DOCK3: variants seen among roughly 807,000 people sequenced by gnomAD.
DOCK3 encodes the protein dedicator of cytokinesis protein 3.
A neutral mutation model predicts 265.6 loss-of-function variants in DOCK3; 60 were observed. That is an observed-to-expected ratio of 0.23 (90% CI 0.18 to 0.28). DOCK3 has a LOEUF of 0.28. DOCK3 is among the 10% of genes least tolerant of loss of function. DOCK3 has a pLI of 1.00. For missense variants in DOCK3, 1,981 were observed against 2,594.3 expected (o/e 0.76, Z 5.14); for synonymous variants, 881 against 938.0 (o/e 0.94, Z 1.11).
chr3:50,989,105 T>G (rs1250411521), intron 5 of DOCK3, among the ~76,000 whole-genome samples: 1 of 152,152 alleles, frequency 6.6e-6, no homozygotes, highest in Non-Finnish European at 1.5e-5. Context: ...GTGGGTCTCA[T>G]GCACCGCCCC....
At chr3:51,137,121 G>A (rs867442785) in intron 9 of DOCK3, among the ~76,000 whole-genome samples, 1 of 151,564 alleles carries the variant, frequency 6.6e-6, no homozygotes, top group Non-Finnish European at 1.5e-5. Flanking sequence ...CCCCTTTTTT[G>A]TGTGTATTTC....
At chr3:50,837,130 C>G (rs1462125591) in intron 2 of DOCK3, among the ~76,000 whole-genome samples, 1 of 152,198 alleles carries the variant, frequency 6.6e-6, no homozygotes, top group Admixed American at 6.5e-5. Flanking sequence ...AAGTTCCAGA[C>G]TTTTCCACAT....
At chr3:50,730,993 G>A (rs991095018) in intron 1 of DOCK3, among the ~76,000 whole-genome samples, 16 of 151,938 alleles carry the variant, frequency 1.1e-4, no homozygotes, top group Admixed American at 6.6e-4. Context: ...TTAGCTGGGC[G>A]TGGTGGTGGG....
In DOCK3 at chr3:51,381,011, G is replaced by A. The variant is rs1553618358; in HGVS notation, c.5584-39G>A. On this transcript the variant is annotated intron_variant, in intron 52 of 52. Coordinates refer to ENST00000266037, the MANE Select transcript of DOCK3 (RefSeq NM_004947.5). The surrounding 1 kb of genome is among the most constrained non-coding windows in gnomAD (Gnocchi z 5.6). Reference sequence around the variant, plus strand: ...TATGGCGGGCAAGTCAGCCTGTCTGGAGAGAGGGATTCTAACATGCCCACC... The same window carrying A: ...TATGGCGGGCAAGTCAGCCTGTCTGAAGAGAGGGATTCTAACATGCCCACC... 5 of 1,546,726 alleles carry A rather than the reference G, an allele frequency of 3.2e-6. No homozygotes were observed. The highest frequency in any genetic ancestry group is 1.8e-5 in the Admixed American group (1 of 56,648).
chr3:50,989,710 A>G (rs1209207329), intron 5 of DOCK3, among the ~76,000 whole-genome samples: 1 of 152,186 alleles, frequency 6.6e-6, no homozygotes, highest in African/African-American at 2.4e-5. Context: ...AGAAAGAACC[A>G]ATGTAAGAAC....
chr3:50,963,606 C>T (rs981439626), intron 5 of DOCK3, among the ~76,000 whole-genome samples: 18 of 152,248 alleles, frequency 1.2e-4, no homozygotes, highest in African/African-American at 4.3e-4. Context: ...ATATACCTTC[C>T]CACCTGAACA....
chr3:50,837,854 G>C (rs1232636864), intron 2 of DOCK3, among the ~76,000 whole-genome samples: 2 of 152,194 alleles, frequency 1.3e-5, no homozygotes, highest in African/African-American at 4.8e-5. Context: ...AGCCTGCTTA[G>C]TAAGTTGAAG....
chr3:51,015,427 C>G (rs1338643143), intron 5 of DOCK3, among the ~76,000 whole-genome samples: 1 of 151,798 alleles, frequency 6.6e-6, no homozygotes, highest in African/African-American at 2.4e-5. Context: ...TGATTTAGCA[C>G]ATTGATTGAT....
intron 2 of DOCK3, among the ~76,000 whole-genome samples, chr3:50,799,472 A>G (rs2042961491): frequency 2.0e-5 from 3 of 151,844 alleles, no homozygotes; most frequent in African/African-American, 4.8e-5. Flanking sequence ...TTTTGTAGCA[A>G]TTGTAAATAG....
rs924811861 is a variant in DOCK3, at chr3:51,236,083, G to A, written c.1918-262G>A. 7.9e-5 allele frequency among the ~76,000 whole-genome samples: 12 copies of A among 152,290 alleles called. 3 individuals are homozygous for A. ...TTTTTAGGGCATTGCCCTTTCCTTA[G>A]AAATGTATCACTCACCCAACAGGAA... is the stretch of plus-strand genomic sequence containing the variant. On this transcript the variant is annotated intron_variant, in intron 19 of 52. Transcript: ENST00000266037.
intron 1 of DOCK3, among the ~76,000 whole-genome samples, chr3:50,757,386 G>A (rs1275608422): frequency 6.6e-6 from 1 of 151,618 alleles, no homozygotes; most frequent in Non-Finnish European, 1.5e-5. Context: ...TGGCCCGGCT[G>A]GTCTTGAACT....
intron 3 of DOCK3, among the ~76,000 whole-genome samples, chr3:50,871,527 C>G (rs1295867954): frequency 6.6e-6 from 1 of 151,840 alleles, no homozygotes; most frequent in Non-Finnish European, 1.5e-5. Flanking sequence ...TCTTGGTGTT[C>G]TGTAACCTTC....
Position 51,361,785 on chromosome 3 carries a change from C to T in DOCK3, c.5007-74C>T. ...GCTGAAACCAGGGATGACTATTCCA[C>T]ACATTCCGCTCTACTGTCCCCCTGC... On this transcript the variant is annotated intron_variant, in intron 47 of 52. Transcript: ENST00000266037. The surrounding 1 kb of genome is among the most constrained non-coding windows in gnomAD (Gnocchi z 4.2). 1.9e-6 allele frequency: 3 copies of T among 1,541,294 alleles called. No homozygotes were observed. The highest frequency in any genetic ancestry group is 2.3e-5 in the East Asian group (1 of 43,102).
chr3:51,350,154 AG>A, intron 39 of DOCK3, 133 bp from the exon 40 acceptor site: 1 of 720,958 alleles, frequency 1.4e-6, no homozygotes. Context: ...TCATGTCTAG[AG>A]GCTCACTTAC....
intron 1 of DOCK3, among the ~76,000 whole-genome samples, chr3:50,683,644 G>A (rs1392916148): frequency 6.6e-6 from 1 of 152,146 alleles, no homozygotes; most frequent in Non-Finnish European, 1.5e-5. Flanking sequence ...TTAACAAGGG[G>A]GAAAGATGCT....
intron 1 of DOCK3, among the ~76,000 whole-genome samples, chr3:50,740,848 G>C: frequency 6.6e-6 from 1 of 151,972 alleles, no homozygotes; most frequent in Non-Finnish European, 1.5e-5. Context: ...ATAACATAAA[G>C]TGACCATTTT....
chr3:51,284,205 G>C (rs1007236990), intron 27 of DOCK3, among the ~76,000 whole-genome samples: 5 of 152,186 alleles, frequency 3.3e-5, no homozygotes, highest in African/African-American at 9.7e-5. Flanking sequence ...AGCATTGGGA[G>C]CAAGAGAAGC....
At chr3:51,251,556 C>T (rs951574653) in intron 22 of DOCK3, among the ~76,000 whole-genome samples, 4 of 152,144 alleles carry the variant, frequency 2.6e-5, no homozygotes, top group East Asian at 1.9e-4. Context: ...TTTTAATGAT[C>T]GCCATTCCAA....
At chr3:50,812,032 G>C (rs2043789972) in intron 2 of DOCK3, among the ~76,000 whole-genome samples, 1 of 152,234 alleles carries the variant, frequency 6.6e-6, no homozygotes, top group Admixed American at 6.5e-5. Context: ...TTATGGGAAA[G>C]AGCATGGATG....
Sources: gnomAD v4.1 joint callset for allele counts (sites outside exome capture counted in the v4.1 genomes callset) on GRCh38, gnomAD v4.1.1 for gene constraint, Gnocchi (gnomAD v3.1) non-coding constraint, MANE v1.5 for transcripts, NCBI Gene and HGNC (gene_info 2026-07-23, HGNC 2026-07-21) for gene names.